The following TMC3 variants were observed in gnomAD, a reference collection of about 807,000 sequenced individuals.
TMC3 encodes the protein transmembrane channel like 3.
TMC3 carries 98 observed loss-of-function variants against 110.6 expected under a neutral mutation model. The observed-to-expected ratio is 0.89, with a 90% confidence interval of 0.75 to 1.05. The LOEUF is 1.05. TMC3 is among the 50% of genes least tolerant of loss of function. The probability of loss-of-function intolerance (pLI) is 0.00; values close to 1 mark genes in which losing one functional copy is unlikely to be tolerated. For missense variants in TMC3, 1,319 were observed against 1,373.2 expected, an observed-to-expected ratio of 0.96 and a Z score of 0.62; for synonymous variants, 489 against 513.1, an observed-to-expected ratio of 0.95 and a Z score of 0.63.
At chr15:81,341,136 C>A (rs1893704944) in intron 16 of TMC3, among the ~76,000 whole-genome samples, 1 of 152,118 alleles carries the variant, frequency 6.6e-6, no homozygotes, top group African/African-American at 2.4e-5. Flanking sequence ...GATTTGTGTA[C>A]TTTTTTTCTA....
At chr15:81,355,487 G>T (rs980831934) in intron 9 of TMC3, among the ~76,000 whole-genome samples, 1 of 152,154 alleles carries the variant, frequency 6.6e-6, no homozygotes, top group Admixed American at 6.5e-5. Context: ...TAAGAAATAA[G>T]AAACTGGTCA....
chr15:81,361,260 A>C (rs1481567110), intron 4 of TMC3, among the ~76,000 whole-genome samples: 2 of 152,070 alleles, frequency 1.3e-5, no homozygotes, highest in Non-Finnish European at 2.9e-5. Context: ...TCCATTCTGC[A>C]TTCATACCAT....
chr15:81,343,231 G>C, intron 15 of TMC3, 47 bp downstream of exon 15: 1 of 1,214,780 alleles, frequency 8.2e-7, no homozygotes, highest in Non-Finnish European at 1.2e-6. Context: ...TAAAATCTTA[G>C]CCCAGATGAG....
intron 3 of TMC3, among the ~76,000 whole-genome samples, chr15:81,367,449 T>C (rs1235201609): frequency 6.6e-6 from 1 of 152,226 alleles, no homozygotes; most frequent in East Asian, 1.9e-4. Context: ...GAGAAGTTAT[T>C]TTTCTTTGTT....
intron 5 of TMC3, among the ~76,000 whole-genome samples, chr15:81,358,781 AG>A (rs11346508): frequency 0.16 from 23,790 of 152,084 alleles, 3,552 homozygotes; most frequent in African/African-American, 0.4. Flanking sequence ...TTACTTTTTG[AG>A]GATGAAGTTT....
Position 81,356,434 on chromosome 15 carries a change from C to T in TMC3, c.891+13G>A, listed in dbSNP as rs1449694861. ...TGCCCACCCCCGCAGGCTGCACAGG[C>T]TCACTCACTCACCCTGATGCTGTTC... On this transcript the variant is annotated intron_variant, in intron 8 of 21. Coordinates refer to ENST00000359440, the MANE Select transcript of TMC3 (RefSeq NM_001080532.3). 1.3e-6 allele frequency: 2 copies of T among 1,560,572 alleles called. No individual in the cohort carries two copies. Among genetic ancestry groups the T allele is most frequent in the Non-Finnish European group, 8.7e-7 (1 of 1,152,482 alleles).
At chr15:81,349,619 C>G in intron 10 of TMC3, 52 bp from the exon 11 acceptor site, 1 of 1,126,252 alleles carries the variant, frequency 8.9e-7, no homozygotes, top group Admixed American at 3.7e-5. Context: ...CCCCCACCAG[C>G]CCTCACCATG....
At chr15:81,356,344 C>T (rs1308677034) in intron 8 of TMC3, 103 bp downstream of exon 8, 1 of 1,297,202 alleles carries the variant, frequency 7.7e-7, no homozygotes, top group Non-Finnish European at 1.0e-6. Context: ...GGACAATGAA[C>T]ATCAATGGGA....
intron 3 of TMC3, among the ~76,000 whole-genome samples, chr15:81,364,656 C>A (rs1168649618): frequency 7.3e-6 from 1 of 137,106 alleles, no homozygotes; most frequent in Non-Finnish European, 1.5e-5. Context: ...ACAATGTGCA[C>A]ATGTACCCTA....
chr15:81,350,808 C>T (rs1037690359), intron 10 of TMC3, among the ~76,000 whole-genome samples: 3 of 152,088 alleles, frequency 2.0e-5, no homozygotes, highest in African/African-American at 7.2e-5. Context: ...GGACAATGGT[C>T]TTAAAATGAA....
At position 81,346,322 on chromosome 15, in the gene TMC3, A is replaced by T. The variant is rs1180678726; in HGVS notation, c.1272+43T>A. 9 of 1,553,508 alleles carry T rather than the reference A, an allele frequency of 5.8e-6. No homozygotes were observed. The East Asian group carries it at 2.0e-4, about 35-fold the overall frequency. On this transcript the variant is annotated intron_variant, in intron 12 of 21. Coordinates refer to ENST00000359440, the MANE Select transcript of TMC3 (RefSeq NM_001080532.3). ...CTGGTGTTGGGAGGAGGTAGCAGAG[A>T]GGGCAGAGGTGGGGCAGGCAACTAT...
chr15:81,334,705 G>A lies in TMC3; in HGVS notation c.2459+15C>T. Reference sequence around the variant, plus strand: ...CACATTCCAGGTTTTAATCTGTGCTGCAGTGGAGCCTCACCTGTTAGTTTC... The same window carrying A: ...CACATTCCAGGTTTTAATCTGTGCTACAGTGGAGCCTCACCTGTTAGTTTC... On this transcript the variant is annotated intron_variant, in intron 21 of 21. Transcript: ENST00000359440. The A allele has an allele frequency of 6.2e-7, 1 of 1,611,438 alleles. No homozygotes were observed. Among genetic ancestry groups the A allele is most frequent in the Non-Finnish European group, 8.5e-7 (1 of 1,178,034 alleles).
chr15:81,356,710 G>A (rs1171094347), intron 7 of TMC3, 116 bp from the exon 8 acceptor site: 2 of 1,150,918 alleles, frequency 1.7e-6, no homozygotes, highest in South Asian at 3.2e-5. Flanking sequence ...GGTGGACGCA[G>A]CTCCTCGGGT....
chr15:81,355,799 C>T, intron 8 of TMC3, 31 bp from the exon 9 acceptor site: 1 of 1,380,260 alleles, frequency 7.2e-7, no homozygotes, highest in South Asian at 1.2e-5. Flanking sequence ...GCAATAAAAG[C>T]TTAGCATCAT....
chr15:81,360,620 C>T (rs777049328), intron 4 of TMC3, among the ~76,000 whole-genome samples: 1 of 152,058 alleles, frequency 6.6e-6, no homozygotes, highest in Non-Finnish European at 1.5e-5. Context: ...CAGGGAAGGT[C>T]GGGGGAAAGA....
chr15:81,339,938 T>C (rs1478738318), intron 16 of TMC3, among the ~76,000 whole-genome samples: 1 of 152,220 alleles, frequency 6.6e-6, no homozygotes, highest in Non-Finnish European at 1.5e-5. Flanking sequence ...TTTGGCTCTT[T>C]TGTTTATGAT....
intron 19 of TMC3, among the ~76,000 whole-genome samples, chr15:81,337,306 G>C (rs1596078988): frequency 6.6e-6 from 1 of 152,132 alleles, no homozygotes; most frequent in East Asian, 1.9e-4. Flanking sequence ...GGAACACCTG[G>C]GGTATGTGGA....
At chr15:81,335,023 G>A (rs1216385654) in intron 20 of TMC3, 48 bp from the exon 21 acceptor site, 2 of 1,599,568 alleles carry the variant, frequency 1.3e-6, no homozygotes, top group Non-Finnish European at 1.7e-6. Context: ...CACTGAGCAG[G>A]TGACAACTTC....
At chr15:81,362,996 G>A (rs368459794) in intron 3 of TMC3, among the ~76,000 whole-genome samples, 4 of 152,262 alleles carry the variant, frequency 2.6e-5, no homozygotes, top group East Asian at 3.9e-4. Context: ...GGTGGCTCAC[G>A]CCTGTAATCC....
Sources: gnomAD v4.1 joint callset for allele counts (sites outside exome capture counted in the v4.1 genomes callset) on GRCh38, gnomAD v4.1.1 for gene constraint, MANE v1.5 for transcripts, NCBI Gene and HGNC (gene_info 2026-07-23, HGNC 2026-07-21) for gene names.